The following ECT2L variants were observed in gnomAD, a reference collection of about 807,000 sequenced individuals.
ECT2L encodes epithelial cell transforming 2 like.
Under a neutral mutation model 122.8 loss-of-function variants are expected in ECT2L, and 126 were observed. The observed-to-expected ratio is 1.03, with a 90% CI of 0.89 to 1.19. The LOEUF (loss-of-function observed/expected upper bound fraction) is 1.19. Ranked by LOEUF, ECT2L falls within the 50% of genes most tolerant of loss-of-function variation. The probability of loss-of-function intolerance (pLI) is 0.00; values close to 1 mark genes in which losing one functional copy is unlikely to be tolerated. For missense variants in ECT2L, 1,012 were observed against 1,064.1 expected, an observed-to-expected ratio of 0.95 and a Z score of 0.68; for synonymous variants, 385 against 381.8, an observed-to-expected ratio of 1.01 and a Z score of -0.10.
chr6:138,822,765 C>A, intron 4 of ECT2L: 1 of 1,596,622 alleles, frequency 6.3e-7, no homozygotes, highest in African/African-American at 1.3e-5. Flanking sequence ...GGAACAGAAC[C>A]AGTCAACAGA....
At chr6:138,870,604 ATG>A (rs1491026268) in intron 13 of ECT2L, among the ~76,000 whole-genome samples, 1 of 152,038 alleles carries the variant, frequency 6.6e-6, no homozygotes, top group Non-Finnish European at 1.5e-5. Context: ...TTTGACATTT[ATG>A]AGCCCTGAGA....
chr6:138,845,620 A>T (rs1562470928), intron 7 of ECT2L, among the ~76,000 whole-genome samples: 2 of 152,194 alleles, frequency 1.3e-5, no homozygotes. Flanking sequence ...GGAAGGTGAC[A>T]TGACTTACCC....
In ECT2L at chr6:138,868,140, T is replaced by C; in HGVS notation, c.1512T>C (p.Ile504=). ...TTGACACCATGGGTATGACCAACATTCTAAACAACCAAGATACTGCGCAAG... is the reference window on the plus strand; with the variant it reads ...TTGACACCATGGGTATGACCAACATCCTAAACAACCAAGATACTGCGCAAG... The part of the protein sequence containing the change: ...FMFDTMGMTN[I]LNNQDTAQAL... The change falls in exon 13 of 22, where the codon ATT becomes ATC. Residue 504 remains isoleucine (I), a synonymous_variant. Coordinates refer to ENST00000541398, the MANE Select transcript of ECT2L (RefSeq NM_001077706.3). The C allele has an allele frequency of 6.2e-7, 1 of 1,613,290 alleles. No homozygotes were observed. Among genetic ancestry groups the C allele is most frequent in the Non-Finnish European group, 8.5e-7 (1 of 1,179,468 alleles).
chr6:138,844,426 G>A lies in ECT2L; in HGVS notation c.610G>A (p.Val204Ile), dbSNP rs1777149092. The A allele has an allele frequency of 6.2e-7, 1 of 1,613,798 alleles. No homozygotes were observed. The highest frequency in any genetic ancestry group is 8.5e-7 in the Non-Finnish European group (1 of 1,179,796). Residue 204 changes from valine (V) to isoleucine (I), a missense_variant, in exon 7 of 22, where the codon GTT becomes ATT. Val to Ile is a conservative substitution (Grantham distance 29, BLOSUM62 3). Coordinates refer to ENST00000541398, the MANE Select transcript of ECT2L (RefSeq NM_001077706.3). The stretch of plus-strand genomic sequence containing the variant: ...TTGTTTTTCAGAGGAGTTATTCAAA[G>A]TTCGACCCCCTTGGGTGAGTGGAAC... The part of the protein sequence containing the change: ...IALRKKELFK[V>I]RPPWVSGTCC...
chr6:138,806,323 G>A (rs932289859), intron 1 of ECT2L, among the ~76,000 whole-genome samples: 2 of 152,054 alleles, frequency 1.3e-5, no homozygotes, highest in African/African-American at 4.8e-5. Flanking sequence ...ATATGTAATT[G>A]TAATTTATTC....
intron 9 of ECT2L, among the ~76,000 whole-genome samples, chr6:138,853,278 T>C (rs536284709): frequency 9.2e-5 from 14 of 152,302 alleles, no homozygotes; most frequent in Admixed American, 7.8e-4. Flanking sequence ...TATTTTGTTT[T>C]TCTTAAGCAA....
intron 14 of ECT2L, among the ~76,000 whole-genome samples, chr6:138,877,630 C>A (rs1186196092): frequency 6.6e-6 from 1 of 152,104 alleles, no homozygotes; most frequent in African/African-American, 2.4e-5. Context: ...TCTAGACAGA[C>A]CATGTGTTTG....
At chr6:138,810,327 G>A (rs1011882570) in intron 1 of ECT2L, among the ~76,000 whole-genome samples, 1 of 152,104 alleles carries the variant, frequency 6.6e-6, no homozygotes, top group South Asian at 2.1e-4. Flanking sequence ...CCAGTCAAAA[G>A]TATGGTTGTC....
chr6:138,853,025 C>T (rs954206715), intron 9 of ECT2L, among the ~76,000 whole-genome samples: 6 of 151,930 alleles, frequency 3.9e-5, no homozygotes, highest in Non-Finnish European at 8.8e-5. Context: ...TGGAGTACAG[C>T]GGCACGATCT....
Position 138,900,932 on chromosome 6 carries a change from C to T in ECT2L, c.2415-16C>T, listed in dbSNP as rs1246129610. 1 of 1,609,580 alleles carries T rather than the reference C, an allele frequency of 6.2e-7. No homozygotes were observed. Among genetic ancestry groups the T allele is most frequent in the South Asian group, 1.1e-5 (1 of 90,092 alleles). On this transcript the variant is annotated splice_polypyrimidine_tract_variant and intron_variant, in intron 20 of 21. Coordinates refer to ENST00000541398, the MANE Select transcript of ECT2L (RefSeq NM_001077706.3). ...ATGTTATGTATTAAAACTGTACCTT[C>T]TCCATTTTAACACAGGCTCTATGAA...
chr6:138,904,054 T>A lies in ECT2L; in HGVS notation c.*1427T>A, dbSNP rs1204189798. On this transcript the variant is annotated 3_prime_UTR_variant, in exon 22 of 22. Coordinates refer to ENST00000541398, the MANE Select transcript of ECT2L (RefSeq NM_001077706.3). ...TGTTTTATTGGTGTAAAACCACACTTCTGATTCTGCCAAGATATATCCATG... is the reference window on the plus strand; with the variant it reads ...TGTTTTATTGGTGTAAAACCACACTACTGATTCTGCCAAGATATATCCATG... The A allele has an allele frequency of 6.6e-6, 1 of 152,208 alleles. No individual in the cohort carries two copies. Among genetic ancestry groups the A allele is most frequent in the African/African-American group, 2.4e-5 (1 of 41,460 alleles). 9.4% of individuals were successfully genotyped at this position (152,208 alleles called of 1,614,324 possible).
In ECT2L at chr6:138,902,363, A is replaced by C. The variant is rs571765087; in HGVS notation, c.2588-137A>C. ...AATTATTCAGTAATTTTAGGAAGTT[A>C]TATTCTACACTGAATATGTATTTCT... On this transcript the variant is annotated intron_variant, in intron 21 of 21. Transcript: ENST00000541398. The C allele has an allele frequency of 3.5e-5, 24 of 683,934 alleles. No individual in the cohort carries two copies. The South Asian group carries it at 4.7e-4, about 13-fold the overall frequency. 42.4% of individuals were successfully genotyped at this position (683,934 alleles called of 1,614,324 possible). A position where few individuals can be genotyped will look rare whatever the true frequency, so the allele number is the denominator to read the frequency against.
intron 14 of ECT2L, among the ~76,000 whole-genome samples, chr6:138,877,542 A>G (rs1041917252): frequency 2.0e-5 from 3 of 152,256 alleles, no homozygotes; most frequent in African/African-American, 7.2e-5. Flanking sequence ...TATTAAAAAA[A>G]TAATATGGAC....
intron 18 of ECT2L, among the ~76,000 whole-genome samples, chr6:138,886,408 ATTTT>A (rs58482102): frequency 2.0e-5 from 3 of 150,700 alleles, no homozygotes; most frequent in African/African-American, 7.3e-5. Flanking sequence ...GAAAATTGAA[ATTTT>A]TTTTTTCTTT....
chr6:138,824,954 G>A (rs1296435024), intron 4 of ECT2L, among the ~76,000 whole-genome samples: 1 of 152,186 alleles, frequency 6.6e-6, no homozygotes, highest in African/African-American at 2.4e-5. Flanking sequence ...AAGTCAAACT[G>A]CAATTAGGCA....
chr6:138,814,403 G>A (rs1030768857), intron 3 of ECT2L, 88 bp from the exon 4 acceptor site: 1 of 730,252 alleles, frequency 1.4e-6, no homozygotes, highest in Non-Finnish European at 2.2e-6. Flanking sequence ...TTAGCTGTGA[G>A]GTTGCTGGTA....
intron 20 of ECT2L, among the ~76,000 whole-genome samples, chr6:138,898,125 A>G (rs887831774): frequency 3.3e-5 from 5 of 151,920 alleles, no homozygotes; most frequent in Non-Finnish European, 5.9e-5. Context: ...TCTTTTGCCT[A>G]TTCAAAATGG....
chr6:138,868,859 A>G (rs1778143437), intron 13 of ECT2L, among the ~76,000 whole-genome samples: 1 of 152,214 alleles, frequency 6.6e-6, no homozygotes, highest in African/African-American at 2.4e-5. Context: ...CAAAGAGGAC[A>G]GCATGGCTAT....
intron 19 of ECT2L, 51 bp downstream of exon 19, chr6:138,886,973 C>T (rs1778847739): frequency 1.3e-6 from 2 of 1,485,020 alleles, no homozygotes; most frequent in East Asian, 2.3e-5. Flanking sequence ...ATACAACCTC[C>T]AGTCTTTTGC....
Sources: gnomAD v4.1 joint callset for allele counts (sites outside exome capture counted in the v4.1 genomes callset) on GRCh38, gnomAD v4.1.1 for gene constraint, MANE v1.5 for transcripts, NCBI Gene and HGNC (gene_info 2026-07-23, HGNC 2026-07-21) for gene names.